SEMA3A: variants seen among roughly 807,000 people sequenced by gnomAD.
SEMA3A encodes semaphorin 3A.
Under a neutral mutation model 97.9 loss-of-function variants are expected in SEMA3A, and 29 were observed. The observed-to-expected ratio is 0.30, with a 90% CI of 0.22 to 0.40. The LOEUF (loss-of-function observed/expected upper bound fraction) is 0.40. Ranked by LOEUF, SEMA3A falls within the 10% of genes least tolerant of loss-of-function variation. SEMA3A has a pLI of 1.00. For synonymous variants in SEMA3A, 321 were observed against 323.7 expected (o/e 0.99, Z 0.09); for missense variants, 763 against 951.3 (o/e 0.80, Z 2.60).
intron 3 of SEMA3A, among the ~76,000 whole-genome samples, chr7:84,301,296 A>G (rs1801011706): frequency 1.3e-5 from 2 of 152,132 alleles, no homozygotes; most frequent in Admixed American, 6.5e-5. Context: ...AAAGAAAATC[A>G]CAGAATGGTA....
intron 1 of SEMA3A, among the ~76,000 whole-genome samples, chr7:84,439,351 G>T (rs941631785): frequency 1.3e-5 from 2 of 151,942 alleles, no homozygotes; most frequent in Non-Finnish European, 2.9e-5. Context: ...TTCATGTGTC[G>T]ACATGGATAA....
intron 2 of SEMA3A, among the ~76,000 whole-genome samples, chr7:84,312,379 A>G (rs1263220537): frequency 6.6e-6 from 1 of 151,792 alleles, no homozygotes; most frequent in African/African-American, 2.4e-5. Context: ...GGTCATGAAG[A>G]AAGGCCCAGT....
intron 4 of SEMA3A, among the ~76,000 whole-genome samples, chr7:84,092,291 A>G (rs1322072690): frequency 1.3e-5 from 2 of 152,178 alleles, no homozygotes; most frequent in Non-Finnish European, 2.9e-5. Flanking sequence ...AAACTCAAAC[A>G]GTGGAGCATA....
chr7:84,047,961 G>A (rs536596181), intron 5 of SEMA3A, among the ~76,000 whole-genome samples: 11 of 151,900 alleles, frequency 7.2e-5, no homozygotes, highest in Admixed American at 3.9e-4. Flanking sequence ...CTCCAGAACA[G>A]TGGAGAAAAG....
chr7:84,245,618 C>T (rs1044930562), intron 3 of SEMA3A, among the ~76,000 whole-genome samples: 4 of 151,780 alleles, frequency 2.6e-5, no homozygotes, highest in African/African-American at 9.7e-5. Context: ...CCCTCTGCTG[C>T]AGGTCTGCTA....
chr7:84,217,737 A>C, intron 3 of SEMA3A, among the ~76,000 whole-genome samples: 1 of 151,594 alleles, frequency 6.6e-6, no homozygotes, highest in African/African-American at 2.4e-5. Context: ...CGCTAGCCTG[A>C]GTGGCAGAGT....
chr7:84,301,046 T>G (rs145086869), intron 3 of SEMA3A, among the ~76,000 whole-genome samples: 1 of 152,158 alleles, frequency 6.6e-6, no homozygotes, highest in Non-Finnish European at 1.5e-5. Flanking sequence ...ATTAAAAAAT[T>G]CAATAAAAAT....
intron 1 of SEMA3A, among the ~76,000 whole-genome samples, chr7:84,392,452 C>G (rs768756374): frequency 3.3e-5 from 5 of 152,122 alleles, no homozygotes; most frequent in Non-Finnish European, 7.4e-5. Flanking sequence ...ACCACATTTT[C>G]TTTATCTCTT....
At chr7:84,035,292 T>G (rs2116474077) in intron 6 of SEMA3A, among the ~76,000 whole-genome samples, 1 of 152,224 alleles carries the variant, frequency 6.6e-6, no homozygotes, top group Admixed American at 6.5e-5. Context: ...TTTACACATT[T>G]ACATAGTAAA....
intron 12 of SEMA3A, among the ~76,000 whole-genome samples, chr7:84,001,321 C>T (rs114220983): frequency 6.6e-6 from 1 of 151,542 alleles, no homozygotes; most frequent in African/African-American, 2.4e-5. Flanking sequence ...ACCCAACCCC[C>T]CTCTCACCCG....
chr7:84,339,321 C>T (rs1352176598), intron 2 of SEMA3A, among the ~76,000 whole-genome samples: 1 of 152,078 alleles, frequency 6.6e-6, no homozygotes, highest in Admixed American at 6.6e-5. Flanking sequence ...TGTGCAATTT[C>T]CCTCCTGTCT....
At chr7:83,993,427 T>G (rs1228993439) in intron 12 of SEMA3A, among the ~76,000 whole-genome samples, 2 of 151,884 alleles carry the variant, frequency 1.3e-5, no homozygotes, top group African/African-American at 4.9e-5. Flanking sequence ...TGTTTACATT[T>G]TGGCATGATT....
At chr7:83,995,014 C>G (rs1273678923) in intron 12 of SEMA3A, among the ~76,000 whole-genome samples, 1 of 152,134 alleles carries the variant, frequency 6.6e-6, no homozygotes, top group Non-Finnish European at 1.5e-5. Flanking sequence ...GATATAATCT[C>G]TTGGTGCGCC....
chr7:84,343,919 T>A (rs1802232899), intron 2 of SEMA3A, among the ~76,000 whole-genome samples: 1 of 151,814 alleles, frequency 6.6e-6, no homozygotes, highest in African/African-American at 2.4e-5. Flanking sequence ...GATGCGAGGA[T>A]CACTTGATCC....
At chr7:84,425,094 A>ATAAATATAATTTATATTTATATTTTTT in intron 1 of SEMA3A, among the ~76,000 whole-genome samples, 1 of 107,716 alleles carries the variant, frequency 9.3e-6, no homozygotes, top group Non-Finnish European at 1.7e-5. Flanking sequence ...TTATATTTTT[A>ATAAATATAATTTATATTTATATTTTTT]TATAAATATA....
chr7:84,048,344 A>T (rs951182227), intron 5 of SEMA3A, among the ~76,000 whole-genome samples: 7 of 152,056 alleles, frequency 4.6e-5, no homozygotes, highest in Non-Finnish European at 7.4e-5. Context: ...TAAATTTCAA[A>T]GCCACTTTGA....
At chr7:84,380,865 T>A (rs577824574) in intron 1 of SEMA3A, among the ~76,000 whole-genome samples, 113 of 152,286 alleles carry the variant, frequency 7.4e-4, no homozygotes, top group African/African-American at 2.6e-3. Context: ...TGCAGTCATC[T>A]CCCTTTGACC....
At chr7:84,401,231 G>A (rs907787783) in intron 1 of SEMA3A, among the ~76,000 whole-genome samples, 32 of 151,880 alleles carry the variant, frequency 2.1e-4, no homozygotes, top group African/African-American at 7.5e-4. Context: ...TGAACAATTT[G>A]AAAAAGAAAT....
chr7:84,127,132 C>T (rs1270192154), intron 3 of SEMA3A, among the ~76,000 whole-genome samples: 4 of 152,026 alleles, frequency 2.6e-5, no homozygotes, highest in East Asian at 3.9e-4. Context: ...TCAGACTCTC[C>T]TGAACTCTCT....
Sources: allele counts gnomAD v4.1 joint callset (sites outside exome capture counted in the v4.1 genomes callset), GRCh38; gene constraint gnomAD v4.1.1; transcripts MANE v1.5; gene names NCBI Gene and HGNC (gene_info 2026-07-23, HGNC 2026-07-21).